The following STAG1 variants were observed in gnomAD, a reference collection of about 807,000 sequenced individuals.
The protein encoded by STAG1 is STAG1 cohesin complex component.
STAG1 carries 26 observed loss-of-function variants against 170.9 expected under a neutral mutation model. The observed-to-expected ratio is 0.15, with a 90% CI of 0.11 to 0.21. The LOEUF (loss-of-function observed/expected upper bound fraction) is 0.21, where lower values mean the gene tolerates loss of function less well. Ranked by LOEUF, STAG1 falls within the 10% of genes least tolerant of loss-of-function variation. The pLI, the probability that STAG1 is intolerant of heterozygous loss-of-function variation, is 1.00. For missense variants in STAG1, 964 were observed against 1,509.5 expected (o/e 0.64, Z 5.99); for synonymous variants, 514 against 497.7 (o/e 1.03, Z -0.44).
intron 12 of STAG1, among the ~76,000 whole-genome samples, chr3:136,465,447 C>T (rs908035259): frequency 6.7e-6 from 1 of 149,886 alleles, no homozygotes; most frequent in Non-Finnish European, 1.5e-5. Context: ...TCTCTAACTC[C>T]TGATCTCAGA....
chr3:136,606,748 T>G (rs1938960840), intron 3 of STAG1, among the ~76,000 whole-genome samples: 1 of 144,948 alleles, frequency 6.9e-6, no homozygotes, highest in African/African-American at 2.5e-5. Flanking sequence ...AGAGGTAACA[T>G]GCTTTTTTTT....
At chr3:136,538,573 C>G (rs950631817) in intron 6 of STAG1, among the ~76,000 whole-genome samples, 2 of 152,056 alleles carry the variant, frequency 1.3e-5, no homozygotes, top group South Asian at 2.1e-4. Context: ...CATGTGCCAC[C>G]ACTCCTGGCA....
chr3:136,340,193 T>G lies in STAG1; in HGVS notation c.3672+298A>C, dbSNP rs542940105. ...TTCTGAGATGGAGTTTCGCTCTTGT[T>G]GTCCAGGCTAGATTGCAATGGCACG... On this transcript the variant is annotated intron_variant, in intron 32 of 33. Coordinates refer to ENST00000383202, the MANE Select transcript of STAG1 (RefSeq NM_005862.3). 3.3e-5 allele frequency among the ~76,000 whole-genome samples: 5 copies of G among 152,292 alleles called. No individual in the cohort carries two copies. In the East Asian group the frequency reaches 9.7e-4, roughly 29 times the overall value.
intron 1 of STAG1, among the ~76,000 whole-genome samples, chr3:136,631,415 T>C (rs775233393): frequency 2.0e-5 from 3 of 152,190 alleles, no homozygotes; most frequent in Non-Finnish European, 2.9e-5. Flanking sequence ...GTGGAAGGGA[T>C]GAACAGGCAG....
At chr3:136,536,633 AG>A (rs1935641699) in intron 6 of STAG1, among the ~76,000 whole-genome samples, 1 of 149,590 alleles carries the variant, frequency 6.7e-6, no homozygotes, top group Non-Finnish European at 1.5e-5. Context: ...CTCGGGAGGC[AG>A]AAGTTGCCGT....
intron 13 of STAG1, among the ~76,000 whole-genome samples, chr3:136,461,444 G>A (rs747221678): frequency 1.3e-5 from 2 of 152,128 alleles, no homozygotes; most frequent in African/African-American, 2.4e-5. Context: ...CCAAAAAATT[G>A]TTGTGAGAAC....
intron 1 of STAG1, among the ~76,000 whole-genome samples, chr3:136,679,174 T>G (rs536321643): frequency 1.3e-5 from 2 of 152,196 alleles, no homozygotes; most frequent in Non-Finnish European, 2.9e-5. Flanking sequence ...TTCTCCAACA[T>G]TGCTGGTGGC....
chr3:136,409,779 T>C (rs1350921498), intron 21 of STAG1, among the ~76,000 whole-genome samples: 5 of 152,080 alleles, frequency 3.3e-5, no homozygotes, highest in Non-Finnish European at 5.9e-5. Flanking sequence ...AAAAGATATC[T>C]GAAAAAAGAT....
chr3:136,543,339 T>C (rs969407708), intron 5 of STAG1, among the ~76,000 whole-genome samples: 1 of 152,202 alleles, frequency 6.6e-6, no homozygotes, highest in Non-Finnish European at 1.5e-5. Flanking sequence ...GGCATTTGTA[T>C]AGTCCTTATC....
rs1276688144 is a variant in STAG1, at chr3:136,498,233, T to TAC, written c.902+1988_902+1989dup. ...AATTATATATATATATATATATATATACACATACATATACATACACACACA... is the reference window on the plus strand; with the variant it reads ...AATTATATATATATATATATATATATACACACATACATATACATACACACACA... On this transcript the variant is annotated intron_variant, in intron 9 of 33. Transcript: ENST00000383202. Among the ~76,000 whole-genome samples the TAC allele has an allele frequency of 1.5e-3, 86 of 57,490 alleles. 10 individuals carry two copies. The highest frequency in any genetic ancestry group is 6.5e-3 in the East Asian group (3 of 460). 37.7% of individuals were successfully genotyped at this position (57,490 alleles called of 152,430 possible).
chr3:136,463,735 A>ATGTGTGTGTGTGTGTGTGTGTGTG (rs140989476), intron 13 of STAG1, among the ~76,000 whole-genome samples: 1 of 101,204 alleles, frequency 9.9e-6, no homozygotes, highest in African/African-American at 3.5e-5. Flanking sequence ...AAATGTGTAT[A>ATGTGTGTGTGTGTGTGTGTGTGTG]TGTGTGTGTG....
At chr3:136,728,945 G>A (rs1186868265) in intron 1 of STAG1, among the ~76,000 whole-genome samples, 1 of 152,114 alleles carries the variant, frequency 6.6e-6, no homozygotes, top group African/African-American at 2.4e-5. Flanking sequence ...AACAAATAAA[G>A]GAGGGATGGG....
intron 16 of STAG1, among the ~76,000 whole-genome samples, chr3:136,430,800 T>TA (rs2088275942): frequency 1.0e-5 from 1 of 97,466 alleles, no homozygotes; most frequent in African/African-American, 4.2e-5. Flanking sequence ...GAAACAGACA[T>TA]AGACAGACAC....
At chr3:136,575,449 A>T (rs1477664267) in intron 4 of STAG1, among the ~76,000 whole-genome samples, 18 of 152,122 alleles carry the variant, frequency 1.2e-4, no homozygotes. Flanking sequence ...GGTCTCGAAC[A>T]TCTGGGCTCA....
chr3:136,544,593 T>G (rs1936065803), intron 5 of STAG1, among the ~76,000 whole-genome samples: 1 of 151,834 alleles, frequency 6.6e-6, no homozygotes, highest in Admixed American at 6.6e-5. Context: ...CGAGACATCA[T>G]CTCTACTAAA....
At chr3:136,458,133 CTG>C (rs1199530107) in intron 13 of STAG1, among the ~76,000 whole-genome samples, 8 of 151,858 alleles carry the variant, frequency 5.3e-5, no homozygotes, top group Non-Finnish European at 1.2e-4. Flanking sequence ...GTATTTTTTT[CTG>C]TGTTTTTTTT....
At chr3:136,505,821 T>C (rs1020463623) in intron 7 of STAG1, among the ~76,000 whole-genome samples, 6 of 152,344 alleles carry the variant, frequency 3.9e-5, no homozygotes, top group Middle Eastern at 6.8e-3. Flanking sequence ...CTCTGAGACC[T>C]TGACATTTGA....
intron 14 of STAG1, among the ~76,000 whole-genome samples, chr3:136,451,185 C>G (rs61789649): frequency 2.0e-5 from 3 of 150,170 alleles, no homozygotes; most frequent in Non-Finnish European, 4.4e-5. Flanking sequence ...AAAAAAAACC[C>G]ACACCATTTT....
At chr3:136,681,435 G>C (rs1451562899) in intron 1 of STAG1, among the ~76,000 whole-genome samples, 1 of 152,128 alleles carries the variant, frequency 6.6e-6, no homozygotes, top group Non-Finnish European at 1.5e-5. Flanking sequence ...CAATCTGCCT[G>C]TAGCCTTGGG....
Sources: allele counts gnomAD v4.1 joint callset (sites outside exome capture counted in the v4.1 genomes callset), GRCh38; gene constraint gnomAD v4.1.1; transcripts MANE v1.5; gene names NCBI Gene and HGNC (gene_info 2026-07-23, HGNC 2026-07-21).